The following PRKCH variants were observed in gnomAD, a reference collection of about 807,000 sequenced individuals.
PRKCH encodes protein kinase C eta, also known as protein kinase C eta type.
In PRKCH, 28 loss-of-function variants were observed where a neutral mutation model predicts 82.5. The ratio of observed to expected loss-of-function variants is 0.34; its 90% CI spans 0.25 to 0.47. The LOEUF (loss-of-function observed/expected upper bound fraction) is 0.47, where lower values mean the gene tolerates loss of function less well. PRKCH is among the 20% of genes least tolerant of loss of function. The pLI, the probability that PRKCH is intolerant of heterozygous loss-of-function variation, is 1.00. For synonymous variants in PRKCH, 322 were observed against 327.4 expected, an observed-to-expected ratio of 0.98 and a Z score of 0.18; for missense variants, 705 against 881.8, an observed-to-expected ratio of 0.80 and a Z score of 2.54.
intron 10 of PRKCH, among the ~76,000 whole-genome samples, chr14:61,498,675 A>C (rs892544318): frequency 1.3e-5 from 2 of 152,050 alleles, no homozygotes; most frequent in Admixed American, 1.3e-4. Context: ...TCATGCGGTG[A>C]GGGGATGGAG....
chr14:61,269,666 T>A, intron 1 of PRKCH, among the ~76,000 whole-genome samples: 1 of 152,230 alleles, frequency 6.6e-6, no homozygotes. Context: ...TACATGCACA[T>A]ACACAATCCC....
chr14:61,431,651 C>T (rs1217879196), intron 2 of PRKCH, among the ~76,000 whole-genome samples: 1 of 152,110 alleles, frequency 6.6e-6, no homozygotes, highest in African/African-American at 2.4e-5. Flanking sequence ...TCCTAGGACA[C>T]CACTCAGCTC....
intron 1 of PRKCH, among the ~76,000 whole-genome samples, chr14:61,257,605 A>G: frequency 2.4e-5 from 1 of 41,426 alleles, no homozygotes; most frequent in African/African-American, 9.7e-5. Flanking sequence ...TCACACACAG[A>G]CACACACACA....
intron 1 of PRKCH, among the ~76,000 whole-genome samples, chr14:61,294,736 A>G (rs957256152): frequency 6.6e-6 from 1 of 152,162 alleles, no homozygotes; most frequent in African/African-American, 2.4e-5. Flanking sequence ...CATTGTTGTT[A>G]CAAATGTGTT....
At chr14:61,410,855 GT>G (rs1386003962) in intron 2 of PRKCH, among the ~76,000 whole-genome samples, 13 of 152,206 alleles carry the variant, frequency 8.5e-5, no homozygotes, top group African/African-American at 3.1e-4. Context: ...ACACTGACCA[GT>G]GTGCCTGGCT....
intron 1 of PRKCH, among the ~76,000 whole-genome samples, chr14:61,234,257 A>G (rs1315730793): frequency 6.6e-6 from 1 of 152,188 alleles, no homozygotes; most frequent in Non-Finnish European, 1.5e-5. Context: ...TTGCTTAGGA[A>G]CCATCCCTGT....
chr14:61,279,012 C>CACACAA (rs61512805), intron 1 of PRKCH: 1 of 147,672 alleles, frequency 6.8e-6, no homozygotes, highest in Admixed American at 6.7e-5. Context: ...CACACACACA[C>CACACAA]AATGACAAAG....
chr14:61,361,994 G>C (rs1310518514), intron 1 of PRKCH, among the ~76,000 whole-genome samples: 1 of 152,136 alleles, frequency 6.6e-6, no homozygotes, highest in Non-Finnish European at 1.5e-5. Context: ...TGATAAAAAA[G>C]ATCTGTTTTA....
chr14:61,544,040 G>A (rs1398299324), intron 12 of PRKCH: 1 of 152,248 alleles, frequency 6.6e-6, no homozygotes, highest in Non-Finnish European at 1.5e-5. Flanking sequence ...TATCACCCCG[G>A]ACCCTCCTTC....
At chr14:61,222,734 G>C (rs544838459) in intron 1 of PRKCH, among the ~76,000 whole-genome samples, 1 of 152,350 alleles carries the variant, frequency 6.6e-6, no homozygotes, top group South Asian at 2.1e-4. Context: ...TTCGACAATG[G>C]ATAAGCAGTG....
intron 1 of PRKCH, among the ~76,000 whole-genome samples, chr14:61,378,151 AC>A (rs762861758): frequency 2.0e-5 from 3 of 151,140 alleles, no homozygotes; most frequent in Non-Finnish European, 4.4e-5. Context: ...TCAGGGTCTC[AC>A]TTCCCAGGTA....
At chr14:61,490,015 C>G (rs1886389498) in intron 10 of PRKCH, among the ~76,000 whole-genome samples, 2 of 152,228 alleles carry the variant, frequency 1.3e-5, no homozygotes, top group African/African-American at 4.8e-5. Flanking sequence ...TTAAATTTCA[C>G]TTCCTCCTCA....
chr14:61,200,388 AGTGTGT>A (rs34645520), intron 1 of PRKCH, among the ~76,000 whole-genome samples: 6 of 142,416 alleles, frequency 4.2e-5, no homozygotes, highest in Non-Finnish European at 7.4e-5. Flanking sequence ...TGAGTGAGTG[AGTGTGT>A]GTGTGTGTGT....
rs762496840 is a variant in PRKCH, at chr14:61,530,380, CCTT to C, written c.1573-24_1573-22del. The C allele has an allele frequency of 5.4e-5, 80 of 1,490,320 alleles. No homozygotes were observed. The Middle Eastern group carries it at 8.9e-4, about 17-fold the overall frequency. The allele number at this position is 1,490,320 out of a possible 1,614,324, so 92.3% of individuals were successfully genotyped here. On this transcript the variant is annotated intron_variant, in intron 11 of 13. Transcript: ENST00000332981. ...ATTTGTTAATCTGATGTATGAACCA[CCTT>C]CTCACGCTGCCCCCTTTGCACAGAT...
chr14:61,387,140 C>T (rs1005091005), intron 1 of PRKCH, among the ~76,000 whole-genome samples: 1 of 152,232 alleles, frequency 6.6e-6, no homozygotes, highest in Non-Finnish European at 1.5e-5. Context: ...CTTGTCCCTT[C>T]CTTGTAGATC....
chr14:61,282,125 A>G (rs2045275788), intron 1 of PRKCH, among the ~76,000 whole-genome samples: 1 of 152,124 alleles, frequency 6.6e-6, no homozygotes, highest in Non-Finnish European at 1.5e-5. Flanking sequence ...GACTAGAGAA[A>G]GGCCCAATCC....
intron 9 of PRKCH, among the ~76,000 whole-genome samples, chr14:61,469,797 G>A (rs1001524997): frequency 4.6e-5 from 7 of 152,162 alleles, no homozygotes; most frequent in African/African-American, 1.7e-4. Context: ...GACTCGTCGT[G>A]TAGAGAGTTG....
intron 9 of PRKCH, among the ~76,000 whole-genome samples, chr14:61,474,614 G>A (rs1885648891): frequency 6.6e-6 from 1 of 152,158 alleles, no homozygotes; most frequent in African/African-American, 2.4e-5. Flanking sequence ...TAAATGACGA[G>A]TTGATGGGTA....
intron 9 of PRKCH, among the ~76,000 whole-genome samples, chr14:61,470,952 C>T (rs924676672): frequency 2.6e-5 from 4 of 152,234 alleles, no homozygotes; most frequent in African/African-American, 9.6e-5. Flanking sequence ...CAGGGACCAC[C>T]GAGCCACAGA....
Sources: gnomAD v4.1 joint callset for allele counts (sites outside exome capture counted in the v4.1 genomes callset) on GRCh38, gnomAD v4.1.1 for gene constraint, MANE v1.5 for transcripts, NCBI Gene and HGNC (gene_info 2026-07-23, HGNC 2026-07-21) for gene names.